Variants in UBE3C observed in about 807,000 individuals in gnomAD.
UBE3C encodes ubiquitin-protein ligase E3C.
A neutral mutation model predicts 129.4 loss-of-function variants in UBE3C; 42 were observed. The observed-to-expected ratio is 0.32, with a 90% CI of 0.25 to 0.42. The LOEUF (loss-of-function observed/expected upper bound fraction) is 0.42. UBE3C is among the 10% of genes least tolerant of loss of function. UBE3C has a pLI of 1.00. For missense variants in UBE3C, 1,049 were observed against 1,319.1 expected (o/e 0.80, Z 3.17); for synonymous variants, 510 against 492.4 (o/e 1.04, Z -0.47).
chr7:157,254,449 G>A (rs1796695975), intron 21 of UBE3C, 139 bp downstream of exon 21: 5 of 385,200 alleles, frequency 1.3e-5, no homozygotes, highest in Admixed American at 5.3e-5. Flanking sequence ...CCAGGCTGGA[G>A]TGCAGTGGCG....
chr7:157,183,060 T>G (rs1808710608), intron 8 of UBE3C, among the ~76,000 whole-genome samples: 1 of 152,210 alleles, frequency 6.6e-6, no homozygotes. Context: ...ACTGTTTTTC[T>G]TACTCTCTCA....
At position 157,243,826 on chromosome 7, in the gene UBE3C, C is replaced by A. The variant is rs185882598; in HGVS notation, c.2482-4542C>A. Among the ~76,000 whole-genome samples, 4 of 152,298 alleles carry A rather than the reference C, an allele frequency of 2.6e-5. No homozygotes were observed. In the East Asian group the frequency reaches 7.7e-4, roughly 29 times the overall value. ...GAAAGGGTTTTTTTGCAAACAGATT[C>A]ATGAATGCAGAATTCCAGTATGTAA... On this transcript the variant is annotated intron_variant, in intron 18 of 22. Coordinates refer to ENST00000348165, the MANE Select transcript of UBE3C (RefSeq NM_014671.3).
chr7:157,188,212 C>T (rs948326844), intron 10 of UBE3C, among the ~76,000 whole-genome samples: 3 of 152,216 alleles, frequency 2.0e-5, no homozygotes, highest in African/African-American at 7.2e-5. Flanking sequence ...CGTTAATTCA[C>T]GTTACCCTAC....
rs368685592 is a variant in UBE3C at position 157,231,342 on chromosome 7, A to G, written c.2481+15A>G. The G allele has an allele frequency of 1.9e-6, 3 of 1,610,986 alleles. No homozygotes were observed. Among genetic ancestry groups the G allele is most frequent in the African/African-American group, 2.7e-5 (2 of 74,728 alleles). Reference sequence around the variant, plus strand: ...TGCTTGGAAAGGTAAAGTAACCTTCATATAAAAATAGACCTCGGACCAAAA... The same window carrying G: ...TGCTTGGAAAGGTAAAGTAACCTTCGTATAAAAATAGACCTCGGACCAAAA... On this transcript the variant is annotated intron_variant, in intron 18 of 22. Transcript: ENST00000348165.
intron 21 of UBE3C, among the ~76,000 whole-genome samples, chr7:157,255,071 G>A (rs996541067): frequency 6.6e-6 from 1 of 152,064 alleles, no homozygotes; most frequent in Non-Finnish European, 1.5e-5. Context: ...AGTGAGCCGA[G>A]ATCATGCCAC....
chr7:157,266,296 A>G (rs991108149), intron 22 of UBE3C, among the ~76,000 whole-genome samples: 2 of 152,200 alleles, frequency 1.3e-5, no homozygotes, highest in African/African-American at 4.8e-5. Context: ...CCTGGGTGAC[A>G]GAGCAAGACT....
chr7:157,192,547 T>G (rs561515420), intron 10 of UBE3C: 18 of 764,772 alleles, frequency 2.4e-5, no homozygotes, highest in African/African-American at 2.2e-4. Flanking sequence ...GACTACAACA[T>G]TCAAAAGGAG....
In UBE3C at chr7:157,181,685, G is replaced by A; in HGVS notation, c.770+14G>A. ...GGAAGGTGCGAGGTGAGACTGGAATGGATTTATTGATTTTGTCCTTTCACA... is the reference window on the plus strand; with the variant it reads ...GGAAGGTGCGAGGTGAGACTGGAATAGATTTATTGATTTTGTCCTTTCACA... On this transcript the variant is annotated intron_variant, in intron 7 of 22. Coordinates refer to ENST00000348165, the MANE Select transcript of UBE3C (RefSeq NM_014671.3). The A allele has an allele frequency of 6.2e-7, 1 of 1,609,382 alleles. No individual in the cohort carries two copies. Among genetic ancestry groups the A allele is most frequent in the Non-Finnish European group, 8.5e-7 (1 of 1,178,872 alleles).
intron 13 of UBE3C, among the ~76,000 whole-genome samples, chr7:157,214,807 G>A (rs1300632473): frequency 6.6e-6 from 1 of 152,178 alleles, no homozygotes; most frequent in Non-Finnish European, 1.5e-5. Context: ...TGACTTTCAA[G>A]AATTAGTGTA....
rs143420504 is a variant in UBE3C, at chr7:157,172,679, C to G, written c.342+2229C>G. 3.1e-3 allele frequency among the ~76,000 whole-genome samples: 476 copies of G among 152,286 alleles called. 7 individuals carry two copies. The highest frequency in any genetic ancestry group is 0.011 in the African/African-American group (438 of 41,564). ...TCTGGACTTCAGTTAAGTGCAGGCT[C>G]TTTCCAGGCTTGCTTTCTGAAGTTG... On this transcript the variant is annotated intron_variant, in intron 4 of 22. Coordinates refer to ENST00000348165, the MANE Select transcript of UBE3C (RefSeq NM_014671.3).
At chr7:157,148,816 C>G (rs1807678116) in intron 1 of UBE3C, among the ~76,000 whole-genome samples, 1 of 141,300 alleles carries the variant, frequency 7.1e-6, no homozygotes, top group Non-Finnish European at 1.5e-5. Flanking sequence ...CAGGCATGAT[C>G]ATAGTGCACA....
In UBE3C at chr7:157,250,236, G is replaced by A. The variant is rs538963269; in HGVS notation, c.2694+1656G>A. On this transcript the variant is annotated intron_variant, in intron 19 of 22. Transcript: ENST00000348165. ...TGTTGTTGTTGTTGTATTGTTTTGA[G>A]ACGGGGTTTCACTCTGTCACCCAGG... Among the ~76,000 whole-genome samples, 59 of 152,194 alleles carry A rather than the reference G, an allele frequency of 3.9e-4. 1 individual carries two copies. The highest frequency in any genetic ancestry group is 1.9e-3 in the South Asian group (9 of 4,812).
At chr7:157,157,900 A>G (rs1336831052) in intron 1 of UBE3C, among the ~76,000 whole-genome samples, 2 of 151,794 alleles carry the variant, frequency 1.3e-5, no homozygotes, top group Non-Finnish European at 2.9e-5. Context: ...GAATTGCTTG[A>G]ACCTGGGAGG....
At chr7:157,230,948 C>G in intron 17 of UBE3C, 132 bp from the exon 18 acceptor site, 2 of 1,267,072 alleles carry the variant, frequency 1.6e-6, no homozygotes, top group Middle Eastern at 2.8e-4. Context: ...AATATCATTG[C>G]TGTTTTGAGT....
At position 157,174,993 on chromosome 7, in the gene UBE3C, A is replaced by G. The variant is rs776509878; in HGVS notation, c.417A>G (p.Thr139=). The change falls in exon 5 of 23, where the codon ACA becomes ACG. Residue 139 remains threonine (T), a synonymous_variant. Coordinates refer to ENST00000348165, the MANE Select transcript of UBE3C (RefSeq NM_014671.3). Reference sequence around the variant, plus strand: ...AGTTGGATGGATCTGAGAGACTTACATGCTTATTTCAGATAAAAAGATTGA... The same window carrying G: ...AGTTGGATGGATCTGAGAGACTTACGTGCTTATTTCAGATAAAAAGATTGA... ...VKQLDGSERL[T]CLFQIKRLMS... is the part of the protein sequence containing the mutation. The G allele has an allele frequency of 2.5e-6, 4 of 1,612,790 alleles. No homozygotes were observed. The highest frequency in any genetic ancestry group is 1.1e-5 in the South Asian group (1 of 90,676).
At chr7:157,164,716 G>C (rs567922040) in intron 2 of UBE3C, among the ~76,000 whole-genome samples, 1 of 152,184 alleles carries the variant, frequency 6.6e-6, no homozygotes, top group South Asian at 2.1e-4. Context: ...AATATTTATT[G>C]AGAACTTACT....
At chr7:157,204,456 G>A (rs1254275920) in intron 11 of UBE3C, among the ~76,000 whole-genome samples, 1 of 146,978 alleles carries the variant, frequency 6.8e-6, no homozygotes, top group African/African-American at 2.5e-5. Flanking sequence ...ACTTGGGTTA[G>A]AAACCCTGGA....
intron 4 of UBE3C, 28 bp from the exon 5 acceptor site, chr7:157,174,891 T>G: frequency 8.5e-6 from 13 of 1,523,498 alleles, no homozygotes; most frequent in Non-Finnish European, 1.2e-5. Context: ...TCATTGAGAG[T>G]TGTATATTTT....
At chr7:157,188,527 C>T (rs1244860731) in intron 10 of UBE3C, among the ~76,000 whole-genome samples, 1 of 152,206 alleles carries the variant, frequency 6.6e-6, no homozygotes, top group African/African-American at 2.4e-5. Context: ...AGGACACTTG[C>T]TTTTATTGTC....
Sources: allele counts gnomAD v4.1 joint callset (sites outside exome capture counted in the v4.1 genomes callset), GRCh38; gene constraint gnomAD v4.1.1; transcripts MANE v1.5; gene names NCBI Gene and HGNC (gene_info 2026-07-23, HGNC 2026-07-21).